ERG: variants seen among roughly 807,000 people sequenced by gnomAD.
The protein encoded by ERG is transcriptional regulator ERG.
ERG carries 9 observed loss-of-function variants against 55.3 expected under a neutral mutation model. The ratio of observed to expected loss-of-function variants is 0.16; its 90% CI spans 0.10 to 0.28. ERG has a LOEUF of 0.28. Ranked by LOEUF, ERG falls within the 10% of genes least tolerant of loss-of-function variation. The pLI, the probability that ERG is intolerant of heterozygous loss-of-function variation, is 1.00. For synonymous variants in ERG, 223 were observed against 237.3 expected, an observed-to-expected ratio of 0.94 and a Z score of 0.55; for missense variants, 434 against 631.6, an observed-to-expected ratio of 0.69 and a Z score of 3.35.
chr21:38,581,500 A>C (rs1323888908), intron 1 of ERG, among the ~76,000 whole-genome samples: 2 of 152,216 alleles, frequency 1.3e-5, no homozygotes, highest in African/African-American at 4.8e-5. Context: ...GTGAGTCCCT[A>C]GATAGCTTCA....
chr21:38,651,500 T>C (rs980034647), intron 1 of ERG, among the ~76,000 whole-genome samples: 10 of 152,190 alleles, frequency 6.6e-5, no homozygotes, highest in African/African-American at 1.2e-4. Flanking sequence ...GAAGATTTCA[T>C]ATAGAAAAAA....
At chr21:38,660,655 C>A (rs1224219439) in intron 1 of ERG, 1 of 151,966 alleles carries the variant, frequency 6.6e-6, no homozygotes, top group Non-Finnish European at 1.5e-5. Flanking sequence ...CCCTCGGCGC[C>A]GACGGGCTCA....
the ERG span, among the ~76,000 whole-genome samples, chr21:38,369,400 G>A: frequency 6.6e-6 from 1 of 152,036 alleles, no homozygotes; most frequent in Non-Finnish European, 1.5e-5. Flanking sequence ...ATAATTGTTG[G>A]CCACATGTAT....
intron 1 of ERG, among the ~76,000 whole-genome samples, chr21:38,462,448 G>T (rs1055439043): frequency 6.6e-6 from 1 of 152,022 alleles, no homozygotes; most frequent in Non-Finnish European, 1.5e-5. Flanking sequence ...AATCACTGCC[G>T]TCGAGGTTTT....
At chr21:38,633,336 A>G (rs541780950) in intron 1 of ERG, among the ~76,000 whole-genome samples, 14 of 152,132 alleles carry the variant, frequency 9.2e-5, no homozygotes, top group African/African-American at 3.1e-4. Context: ...ACACTACTGA[A>G]CTCTACACTT....
intron 1 of ERG, among the ~76,000 whole-genome samples, chr21:38,584,331 T>C (rs1167452027): frequency 6.6e-6 from 1 of 152,246 alleles, no homozygotes; most frequent in Non-Finnish European, 1.5e-5. Context: ...ATTTTATTTT[T>C]ATTTTTTGGC....
chr21:38,526,641 A>G (rs1452913399), intron 2 of ERG, among the ~76,000 whole-genome samples: 2 of 152,212 alleles, frequency 1.3e-5, no homozygotes, highest in East Asian at 3.8e-4. Context: ...ATACATGCAT[A>G]TATTAACTAG....
chr21:38,476,188 C>A (rs375252332), intron 1 of ERG, among the ~76,000 whole-genome samples: 38 of 152,206 alleles, frequency 2.5e-4, no homozygotes, highest in African/African-American at 9.1e-4. Flanking sequence ...TAGGTGTAGT[C>A]CTTAGGAATG....
intron 2 of ERG, among the ~76,000 whole-genome samples, chr21:38,505,248 A>G (rs1302996650): frequency 1.3e-5 from 2 of 152,214 alleles, no homozygotes; most frequent in Non-Finnish European, 2.9e-5. Context: ...GCCTGAAGTC[A>G]GGAGCACAGG....
the ERG span, among the ~76,000 whole-genome samples, chr21:38,372,272 TA>T: frequency 6.6e-6 from 1 of 152,002 alleles, no homozygotes; most frequent in South Asian, 2.1e-4. Flanking sequence ...ATTAATCTTT[TA>T]AAAAACTCCA....
chr21:38,543,022 T>G (rs562651404), intron 2 of ERG, among the ~76,000 whole-genome samples: 1 of 152,308 alleles, frequency 6.6e-6, no homozygotes, highest in East Asian at 1.9e-4. Flanking sequence ...TTCTTCAAAA[T>G]TTAGCCCTAC....
chr21:38,480,079 G>C (rs1390320415), intron 1 of ERG, among the ~76,000 whole-genome samples: 1 of 152,042 alleles, frequency 6.6e-6, no homozygotes, highest in Admixed American at 6.5e-5. Flanking sequence ...TAACCAAGAG[G>C]GCTACTCGGT....
intron 1 of ERG, among the ~76,000 whole-genome samples, chr21:38,598,924 T>C (rs1467857231): frequency 1.3e-5 from 2 of 152,190 alleles, no homozygotes; most frequent in Non-Finnish European, 2.9e-5. Context: ...TTTCAGAGGC[T>C]GTGCAGCACC....
Position 38,381,601 on chromosome 21 carries a change from G to C in ERG, c.*1802C>G. The C allele has an allele frequency of 9.4e-7, 1 of 1,062,652 alleles. No homozygotes were observed. The highest frequency in any genetic ancestry group is 1.1e-6 in the Non-Finnish European group (1 of 877,674). 65.8% of individuals were successfully genotyped at this position (1,062,652 alleles called of 1,614,324 possible). ...GTGAGAAATTGCAGCTATCCATGAC[G>C]CTTTATTTGCCAGTAATAATACAGT... is the stretch of plus-strand genomic sequence containing the variant. On this transcript the variant is annotated 3_prime_UTR_variant, in exon 10 of 10. Coordinates refer to ENST00000288319, the MANE Select transcript of ERG (RefSeq NM_182918.4).
intron 1 of ERG, among the ~76,000 whole-genome samples, chr21:38,487,004 A>C (rs1002932549): frequency 2.0e-5 from 3 of 152,196 alleles, no homozygotes; most frequent in African/African-American, 7.2e-5. Context: ...GGGAAGTGAA[A>C]GGCGTGGTGG....
chr21:38,563,573 A>C (rs763050281), intron 2 of ERG, among the ~76,000 whole-genome samples: 3 of 152,238 alleles, frequency 2.0e-5, no homozygotes, highest in Non-Finnish European at 2.9e-5. Context: ...AAAGGAGAGA[A>C]AATAAAGAGT....
At chr21:38,556,922 C>G (rs2059862013) in intron 2 of ERG, among the ~76,000 whole-genome samples, 1 of 152,164 alleles carries the variant, frequency 6.6e-6, no homozygotes, top group Non-Finnish European at 1.5e-5. Flanking sequence ...GCTGGGGTAG[C>G]CCCTCACATC....
chr21:38,425,931 C>T (rs1046062675), intron 2 of ERG, among the ~76,000 whole-genome samples: 2 of 152,198 alleles, frequency 1.3e-5, no homozygotes, highest in African/African-American at 4.8e-5. Flanking sequence ...AGTGTTTGTT[C>T]AGCATGTGGG....
chr21:38,550,414 T>G (rs2059816757), intron 2 of ERG, among the ~76,000 whole-genome samples: 2 of 152,140 alleles, frequency 1.3e-5, no homozygotes, highest in African/African-American at 4.8e-5. Context: ...ACCCCCAAGG[T>G]AGCAGTATGA....
Sources: gnomAD v4.1 joint callset for allele counts (sites outside exome capture counted in the v4.1 genomes callset) on GRCh38, gnomAD v4.1.1 for gene constraint, MANE v1.5 for transcripts, NCBI Gene and HGNC (gene_info 2026-07-23, HGNC 2026-07-21) for gene names.